NAV3: variants seen among roughly 807,000 people sequenced by gnomAD.
NAV3 encodes neuron navigator 3, also known as pore membrane and/or filament interacting like protein 1.
A neutral mutation model predicts 244.7 loss-of-function variants in NAV3; 87 were observed. The ratio of observed to expected loss-of-function variants is 0.36; its 90% CI spans 0.30 to 0.42. The LOEUF (loss-of-function observed/expected upper bound fraction) is 0.42. Ranked by LOEUF, NAV3 falls within the 20% of genes least tolerant of loss-of-function variation. The pLI is 1.00. For missense variants in NAV3, 2,663 were observed against 2,893.3 expected (o/e 0.92, Z 1.83); for synonymous variants, 1,126 against 1,042.2 (o/e 1.08, Z -1.55).
intron 3 of NAV3, among the ~76,000 whole-genome samples, chr12:77,953,353 T>C (rs1469553789): frequency 6.6e-6 from 1 of 152,152 alleles, no homozygotes; most frequent in Non-Finnish European, 1.5e-5. Context: ...TGTTTACATA[T>C]AAATAATTGA....
chr12:77,682,250 G>A (rs1874507931), intron 2 of NAV3, among the ~76,000 whole-genome samples: 1 of 151,976 alleles, frequency 6.6e-6, no homozygotes, highest in Admixed American at 6.6e-5. Context: ...GAGATCATGT[G>A]GTATTTATCT....
intron 5 of NAV3, among the ~76,000 whole-genome samples, chr12:77,988,153 G>A (rs753394595): frequency 7.2e-5 from 11 of 152,250 alleles, no homozygotes; most frequent in Non-Finnish European, 1.2e-4. Flanking sequence ...ATTATGCATA[G>A]GAATCACCTG....
At chr12:77,698,713 A>G (rs534697788) in intron 2 of NAV3, among the ~76,000 whole-genome samples, 2 of 152,292 alleles carry the variant, frequency 1.3e-5, no homozygotes, top group East Asian at 3.9e-4. Flanking sequence ...TTACTATTTA[A>G]TGGATGAGAA....
chr12:77,924,616 C>G (rs1356377678), intron 1 of NAV3, among the ~76,000 whole-genome samples: 1 of 152,042 alleles, frequency 6.6e-6, no homozygotes, highest in Non-Finnish European at 1.5e-5. Context: ...GTATAATGTT[C>G]CTTGTAATAT....
At chr12:78,173,856 A>T (rs1286956809) in intron 24 of NAV3, among the ~76,000 whole-genome samples, 1 of 151,708 alleles carries the variant, frequency 6.6e-6, no homozygotes, top group African/African-American at 2.4e-5. Flanking sequence ...GAGGATACAC[A>T]TATACACACA....
At chr12:78,076,434 C>A (rs1317165907) in intron 12 of NAV3, among the ~76,000 whole-genome samples, 3 of 152,062 alleles carry the variant, frequency 2.0e-5, no homozygotes, top group Non-Finnish European at 4.4e-5. Flanking sequence ...CTGTCTTTTC[C>A]AGAAACCTAT....
intron 2 of NAV3, among the ~76,000 whole-genome samples, chr12:77,664,865 A>G (rs781383415): frequency 3.9e-5 from 6 of 152,216 alleles, no homozygotes; most frequent in African/African-American, 1.2e-4. Context: ...TTCTGTGACA[A>G]CACATTATTT....
In NAV3 at chr12:77,831,234, AG is replaced by A; in HGVS notation, c.-227del. ...GAGAGAGAGAAAGAGAGAGAGAGAGAGAATGAGAATGAATATGAATCCCAGC... is the reference window on the plus strand; with the variant it reads ...GAGAGAGAGAAAGAGAGAGAGAGAGAAATGAGAATGAATATGAATCCCAGC... On this transcript the variant is annotated 5_prime_UTR_variant, in exon 1 of 40. Transcript: ENST00000397909. The A allele has an allele frequency of 7.2e-6, 3 of 414,330 alleles. No homozygotes were observed. The highest frequency in any genetic ancestry group is 1.3e-5 in the Non-Finnish European group (3 of 229,230). The allele number at this position is 414,330 out of a possible 1,614,324, so 25.7% of individuals were successfully genotyped here.
At chr12:77,781,830 G>C (rs1179718452) in intron 2 of NAV3, among the ~76,000 whole-genome samples, 1 of 152,160 alleles carries the variant, frequency 6.6e-6, no homozygotes, top group Non-Finnish European at 1.5e-5. Flanking sequence ...CTTCTTCAAA[G>C]AGAGAAAGAG....
chr12:77,662,093 G>A (rs1354397798), intron 2 of NAV3, among the ~76,000 whole-genome samples: 1 of 151,824 alleles, frequency 6.6e-6, no homozygotes, highest in African/African-American at 2.4e-5. Context: ...TTTTTGCTGG[G>A]ATTTTGACAG....
chr12:78,143,825 G>C (rs760915314), intron 20 of NAV3, among the ~76,000 whole-genome samples: 20 of 152,224 alleles, frequency 1.3e-4, no homozygotes, highest in Admixed American at 4.6e-4. Context: ...TCAGTCACCT[G>C]TAATTGACAC....
At chr12:78,045,038 C>T (rs1881524971) in intron 9 of NAV3, among the ~76,000 whole-genome samples, 1 of 152,094 alleles carries the variant, frequency 6.6e-6, no homozygotes, top group African/African-American at 2.4e-5. Context: ...CCAGCTTTTG[C>T]CCATTCAGTA....
At chr12:78,001,858 A>G (rs765880525) in intron 7 of NAV3, among the ~76,000 whole-genome samples, 2 of 152,216 alleles carry the variant, frequency 1.3e-5, no homozygotes, top group African/African-American at 4.8e-5. Flanking sequence ...TCATTTGTAA[A>G]GCATTTCTTT....
chr12:78,183,047 C>T (rs867464893), intron 30 of NAV3, among the ~76,000 whole-genome samples: 107 of 152,010 alleles, frequency 7.0e-4, no homozygotes, highest in African/African-American at 2.5e-3. Flanking sequence ...ACAGACATTT[C>T]AGAAGTCTTC....
intron 2 of NAV3, among the ~76,000 whole-genome samples, chr12:77,617,963 A>G (rs1871207113): frequency 6.6e-6 from 1 of 152,232 alleles, no homozygotes; most frequent in Admixed American, 6.5e-5. Context: ...GGCAATAGTT[A>G]GCAAACAACC....
chr12:77,585,526 G>A (rs1024422959), intron 2 of NAV3, among the ~76,000 whole-genome samples: 2 of 147,724 alleles, frequency 1.4e-5, no homozygotes, highest in Non-Finnish European at 1.5e-5. Context: ...CTGATAGGAC[G>A]GGGGAAGGGT....
At chr12:78,040,286 G>A (rs1011550828) in intron 9 of NAV3, among the ~76,000 whole-genome samples, 2 of 152,028 alleles carry the variant, frequency 1.3e-5, no homozygotes, top group South Asian at 2.1e-4. Context: ...ATAAGCGTTG[G>A]AAAGAAAAGG....
At chr12:78,083,434 C>A (rs776460114) in intron 12 of NAV3, among the ~76,000 whole-genome samples, 8 of 152,142 alleles carry the variant, frequency 5.3e-5, no homozygotes, top group Admixed American at 1.3e-4. Flanking sequence ...ACCTGCTATC[C>A]CTCCTAGTTA....
chr12:77,817,215 G>A (rs545137209), intron 2 of NAV3, among the ~76,000 whole-genome samples: 68 of 152,260 alleles, frequency 4.5e-4, no homozygotes, highest in African/African-American at 1.6e-3. Flanking sequence ...AAATATAAAT[G>A]GGAAAGAGAA....
Sources: gnomAD v4.1 joint callset for allele counts (sites outside exome capture counted in the v4.1 genomes callset) on GRCh38, gnomAD v4.1.1 for gene constraint, MANE v1.5 for transcripts, NCBI Gene and HGNC (gene_info 2026-07-23, HGNC 2026-07-21) for gene names.